GFOD1: variants seen among roughly 807,000 people sequenced by gnomAD.
GFOD1 encodes glucose-fructose oxidoreductase domain-containing protein 1.
In GFOD1, 9 loss-of-function variants were observed where a neutral mutation model predicts 25.4. The observed-to-expected ratio is 0.35, with a 90% CI of 0.21 to 0.62. The LOEUF is 0.62. Ranked by LOEUF, GFOD1 falls within the 20% of genes least tolerant of loss-of-function variation. GFOD1 has a pLI of 0.72. For missense variants in GFOD1, 403 were observed against 556.9 expected (o/e 0.72, Z 2.78); for synonymous variants, 253 against 245.6 (o/e 1.03, Z -0.28).
intron 1 of GFOD1, among the ~76,000 whole-genome samples, chr6:13,388,483 G>A (rs1785519605): frequency 1.3e-5 from 2 of 152,180 alleles, no homozygotes; most frequent in African/African-American, 2.4e-5. Context: ...TCTGATCTTT[G>A]ACAAATATGA....
intron 1 of GFOD1, among the ~76,000 whole-genome samples, chr6:13,467,688 T>C (rs1319142884): frequency 3.3e-5 from 5 of 152,202 alleles, no homozygotes; most frequent in Non-Finnish European, 7.3e-5. Flanking sequence ...CTGGGGCAAA[T>C]GCAGGAGGCA....
At chr6:13,420,882 T>C (rs1452040454) in intron 1 of GFOD1, among the ~76,000 whole-genome samples, 2 of 152,170 alleles carry the variant, frequency 1.3e-5, no homozygotes, top group Non-Finnish European at 1.5e-5. Context: ...TGCCCAGTAA[T>C]TGTACATAGA....
chr6:13,400,534 G>T (rs150601012), intron 1 of GFOD1, among the ~76,000 whole-genome samples: 1 of 152,236 alleles, frequency 6.6e-6, no homozygotes, highest in Non-Finnish European at 1.5e-5. Context: ...TAGAACCTCC[G>T]TTTCGAGTTT....
chr6:13,357,915 C>G lies in GFOD1; in HGVS notation c.*6828G>C, dbSNP rs115939757. ...TGCGGAGAACAGCTGGAAGCCACGT[C>G]AGAGCGGCACAGGCCAGCTGGCTGA... On this transcript the variant is annotated 3_prime_UTR_variant, in exon 2 of 2. Coordinates refer to ENST00000379287, the MANE Select transcript of GFOD1 (RefSeq NM_018988.4). 1.3e-5 allele frequency: 2 copies of G among 152,324 alleles called. No homozygotes were observed. Among genetic ancestry groups the G allele is most frequent in the Non-Finnish European group, 2.9e-5 (2 of 68,082 alleles). The allele number at this position is 152,324 out of a possible 1,614,324, so 9.4% of individuals were successfully genotyped here.
chr6:13,467,849 G>A (rs1470475116), intron 1 of GFOD1, among the ~76,000 whole-genome samples: 7 of 152,136 alleles, frequency 4.6e-5, no homozygotes, highest in Admixed American at 3.3e-4. Flanking sequence ...CTAAACAACG[G>A]GAGAGTCCCT....
At chr6:13,469,396 G>A (rs932322321) in intron 1 of GFOD1, 23 of 984,842 alleles carry the variant, frequency 2.3e-5, no homozygotes, top group African/African-American at 1.0e-4. Context: ...TGGGATACAT[G>A]CAGTCCCCAG....
intron 1 of GFOD1, among the ~76,000 whole-genome samples, chr6:13,381,149 G>C (rs967943812): frequency 1.3e-5 from 2 of 152,236 alleles, no homozygotes. Context: ...TGGCTGGGCT[G>C]AGTCCTGGTG....
intron 1 of GFOD1, among the ~76,000 whole-genome samples, chr6:13,476,429 G>A (rs909900576): frequency 6.6e-6 from 1 of 152,208 alleles, no homozygotes; most frequent in Non-Finnish European, 1.5e-5. Context: ...GTAGTTACCT[G>A]GAGCCAGAAG....
chr6:13,365,331 G>T lies in GFOD1; in HGVS notation c.585C>A (p.Val195=). The T allele has an allele frequency of 6.2e-7, 1 of 1,614,212 alleles. No homozygotes were observed. ...TCACGAAGGTCTTGAGCAGCCCGTGGACCTTGACGGCCTTTTGGCCGGTGA... is the reference window on the plus strand; with the variant it reads ...TCACGAAGGTCTTGAGCAGCCCGTGTACCTTGACGGCCTTTTGGCCGGTGA... ...TFLTGQKAVK[V]HGLLKTFVKQ... Residue 195 remains valine (V), a synonymous_variant, in exon 2 of 2, where the codon GTC becomes GTA. Transcript: ENST00000379287. This position sits in a 1 kb window ranked among gnomAD's most constrained non-coding sequence, Gnocchi z 9.2.
At chr6:13,404,577 C>G (rs1218326872) in intron 1 of GFOD1, among the ~76,000 whole-genome samples, 1 of 152,176 alleles carries the variant, frequency 6.6e-6, no homozygotes, top group South Asian at 2.1e-4. Flanking sequence ...AAGGGTGTTA[C>G]AAGAACTAAA....
chr6:13,483,442 G>A (rs1166241941), intron 1 of GFOD1, among the ~76,000 whole-genome samples: 5 of 152,170 alleles, frequency 3.3e-5, no homozygotes, highest in Admixed American at 2.0e-4. Flanking sequence ...ATGTGAGGCT[G>A]GGCATGTCAC....
chr6:13,375,686 T>G (rs1194959954), intron 1 of GFOD1, among the ~76,000 whole-genome samples: 1 of 152,228 alleles, frequency 6.6e-6, no homozygotes, highest in Admixed American at 6.5e-5. Context: ...AACCCGCCCA[T>G]AAGGCCAAGC....
chr6:13,371,380 C>T (rs1023901954), intron 1 of GFOD1, among the ~76,000 whole-genome samples: 1 of 152,212 alleles, frequency 6.6e-6, no homozygotes, highest in Admixed American at 6.5e-5. Context: ...AGCCACTTGT[C>T]CCATGCTGAG....
chr6:13,385,351 G>A (rs1270310254), intron 1 of GFOD1, among the ~76,000 whole-genome samples: 1 of 152,160 alleles, frequency 6.6e-6, no homozygotes, highest in African/African-American at 2.4e-5. Context: ...TAACATAAAA[G>A]TACCATTGGG....
intron 1 of GFOD1, among the ~76,000 whole-genome samples, chr6:13,467,148 C>T (rs1758392689): frequency 6.6e-6 from 1 of 150,722 alleles, no homozygotes; most frequent in South Asian, 2.1e-4. Flanking sequence ...GCCAAGTGAA[C>T]CAACCATATG....
chr6:13,443,055 A>G (rs7742841), intron 1 of GFOD1, among the ~76,000 whole-genome samples: 4,891 of 152,330 alleles, frequency 0.032, 228 homozygotes, highest in African/African-American at 0.1. Flanking sequence ...AGGTCAAAAT[A>G]TCAACATTGA....
chr6:13,435,002 A>G (rs1020325977), intron 1 of GFOD1, among the ~76,000 whole-genome samples: 2 of 152,220 alleles, frequency 1.3e-5, no homozygotes, highest in African/African-American at 4.8e-5. Flanking sequence ...GCAACCGTAG[A>G]CCTGCCCCTT....
At chr6:13,470,758 C>T in intron 1 of GFOD1, 1 of 1,304,282 alleles carries the variant, frequency 7.7e-7, no homozygotes, top group Non-Finnish European at 1.0e-6. Context: ...AACAAGTACT[C>T]TAAAATCATT....
At position 13,364,881 on chromosome 6, in the gene GFOD1, G is replaced by A. The variant is rs767688212; in HGVS notation, c.1035C>T (p.Cys345=). 1.9e-6 allele frequency: 3 copies of A among 1,613,828 alleles called. No individual in the cohort carries two copies. The highest frequency in any genetic ancestry group is 2.5e-6 in the Non-Finnish European group (3 of 1,180,018). Residue 345 remains cysteine, a synonymous_variant, in exon 2 of 2, where the codon TGC becomes TGT. Transcript: ENST00000379287. This position sits in a 1 kb window ranked among gnomAD's most constrained non-coding sequence, Gnocchi z 4.1. ...TGGACCTCTTGATGGTGTCCACCACGCACAAGGCATACAGGCAGTCGTCGA... is the reference window on the plus strand; with the variant it reads ...TGGACCTCTTGATGGTGTCCACCACACACAAGGCATACAGGCAGTCGTCGA... ...ATFDDCLYAL[C]VVDTIKRSSQ...
Sources: allele counts gnomAD v4.1 joint callset (sites outside exome capture counted in the v4.1 genomes callset), GRCh38; gene constraint gnomAD v4.1.1; non-coding constraint Gnocchi (gnomAD v3.1); transcripts MANE v1.5; gene names NCBI Gene and HGNC (gene_info 2026-07-23, HGNC 2026-07-21).